The following MILR1 variants were observed in gnomAD, a reference collection of about 807,000 sequenced individuals.
MILR1 encodes mast cell immunoglobulin like receptor 1, also known as allergin-1.
A neutral mutation model predicts 18.5 loss-of-function variants in MILR1; 31 were observed. The ratio of observed to expected loss-of-function variants is 1.68; its 90% CI spans 1.26 to 2.26. MILR1 has a LOEUF of 2.26. MILR1 is among the 30% of genes most tolerant of loss of function. The probability of loss-of-function intolerance (pLI) is 0.00; values close to 1 mark genes in which losing one functional copy is unlikely to be tolerated. For missense variants in MILR1, 257 were observed against 157.4 expected, an observed-to-expected ratio of 1.63 and a Z score of -3.38; for synonymous variants, 85 against 56.2, an observed-to-expected ratio of 1.51 and a Z score of -2.30.
At chr17:64,475,240 G>A in the MILR1 span, among the ~76,000 whole-genome samples, 1 of 151,466 alleles carries the variant, frequency 6.6e-6, no homozygotes, top group South Asian at 2.1e-4. Context: ...GGCCAAAGAT[G>A]GGACAATTTG....
At chr17:64,495,193 AGGAACC>A in the MILR1 span, among the ~76,000 whole-genome samples, 4 of 150,688 alleles carry the variant, frequency 2.7e-5, no homozygotes, top group South Asian at 2.1e-4. Flanking sequence ...AAAAAAAAAA[AGGAACC>A]AGGATCTGGG....
chr17:64,450,347 G>A (rs1029286074), intron 2 of MILR1, among the ~76,000 whole-genome samples: 152 of 152,134 alleles, frequency 1.0e-3, no homozygotes, highest in African/African-American at 3.2e-3. Context: ...TAAACCATCC[G>A]TAAGTGATAG....
chr17:64,450,453 A>G (rs1186218767), intron 2 of MILR1, among the ~76,000 whole-genome samples: 1 of 152,130 alleles, frequency 6.6e-6, no homozygotes, highest in Admixed American at 6.6e-5. Context: ...GCCGTTATCA[A>G]CAGTCACTTT....
At chr17:64,489,573 C>A in the MILR1 span, among the ~76,000 whole-genome samples, 1 of 151,756 alleles carries the variant, frequency 6.6e-6, no homozygotes, top group African/African-American at 2.4e-5. Flanking sequence ...CCAGCCCGGG[C>A]AACAAAGCTA....
chr17:64,457,218 G>A (rs1360335448), intron 3 of MILR1, among the ~76,000 whole-genome samples, 182 bp from the exon 4 acceptor site: 6 of 152,164 alleles, frequency 3.9e-5, no homozygotes, highest in Non-Finnish European at 2.9e-5. Context: ...CACACTGCAC[G>A]GGGTTGGCCA....
chr17:64,490,759 G>T, the MILR1 span: 2 of 1,510,476 alleles, frequency 1.3e-6, no homozygotes, highest in Non-Finnish European at 1.8e-6. Flanking sequence ...TAGAGAATCT[G>T]GGTAAAAAAT....
At chr17:64,459,965 A>G (rs2037385716) in intron 4 of MILR1, among the ~76,000 whole-genome samples, 1 of 149,242 alleles carries the variant, frequency 6.7e-6, no homozygotes, top group Non-Finnish European at 1.5e-5. Context: ...ATGACTTTTT[A>G]AACTTTATTA....
At chr17:64,494,343 C>T in the MILR1 span, among the ~76,000 whole-genome samples, 2 of 152,110 alleles carry the variant, frequency 1.3e-5, no homozygotes, top group Non-Finnish European at 2.9e-5. Context: ...CAAATTATTC[C>T]ACTACTGAAG....
chr17:64,467,068 C>G (rs1458925543), intron 8 of MILR1, among the ~76,000 whole-genome samples: 1 of 143,306 alleles, frequency 7.0e-6, no homozygotes, highest in African/African-American at 2.6e-5. Context: ...TTTTCTTTCT[C>G]TCTCTCTCTC....
intron 4 of MILR1, among the ~76,000 whole-genome samples, chr17:64,458,014 C>T (rs1471959520): frequency 6.6e-6 from 1 of 152,198 alleles, no homozygotes; most frequent in Non-Finnish European, 1.5e-5. Flanking sequence ...TGTGGCAAAA[C>T]TTTCTGCCCT....
At chr17:64,480,652 T>C in the MILR1 span, among the ~76,000 whole-genome samples, 3 of 152,200 alleles carry the variant, frequency 2.0e-5, no homozygotes, top group Non-Finnish European at 4.4e-5. Flanking sequence ...ATAAGAATTT[T>C]TATTACCCTT....
the MILR1 span, chr17:64,477,655 C>G: frequency 1.7e-5 from 14 of 817,928 alleles, no homozygotes; most frequent in East Asian, 3.7e-4. Context: ...TTTCTTGTAG[C>G]TGAACATATT....
In MILR1 at chr17:64,452,656, T is replaced by C; in HGVS notation, c.157T>C (p.Ser53Pro). Residue 53 changes from serine (S) to proline (P), a missense_variant, in exon 3 of 10, where the codon TCT (serine) becomes CCT (proline). Transcript: ENST00000619286. ...GGTGGTTATGAAGGGTCAAAATGTA[T>C]CTATGTTTTGTTCCCATAAGAACAA... Reference protein sequence around the residue: ...TKVVMKGQNVSMFCSHKNKSL... With the variant: ...TKVVMKGQNVPMFCSHKNKSL... 2.2e-6 allele frequency: 1 copy of C among 460,842 alleles called. No homozygotes were observed. The highest frequency in any genetic ancestry group is 4.0e-6 in the Non-Finnish European group (1 of 251,644). The allele number at this position is 460,842 out of a possible 1,614,324, so 28.5% of individuals were successfully genotyped here. A position where few individuals can be genotyped will look rare whatever the true frequency, so the allele number is the denominator to read the frequency against.
At chr17:64,481,085 C>T in the MILR1 span, among the ~76,000 whole-genome samples, 3 of 152,208 alleles carry the variant, frequency 2.0e-5, no homozygotes, top group African/African-American at 7.2e-5. Flanking sequence ...GCACTGCTGA[C>T]CCAGGGTGTT....
chr17:64,468,507 TTG>T lies in MILR1; in HGVS notation c.*227_*228del. 1 of 553,520 alleles carries T rather than the reference TTG, an allele frequency of 1.8e-6. No individual in the cohort carries two copies. Among genetic ancestry groups the T allele is most frequent in the Non-Finnish European group, 2.7e-6 (1 of 368,470 alleles). The allele number at this position is 553,520 out of a possible 1,614,324, so 34.3% of individuals were successfully genotyped here. A position where few individuals can be genotyped will look rare whatever the true frequency, so the allele number is the denominator to read the frequency against. On this transcript the variant is annotated 3_prime_UTR_variant, in exon 10 of 10. Transcript: ENST00000619286. The stretch of plus-strand genomic sequence containing the variant: ...TTTCACTATGGTGGCCAGGCTGGTC[TTG>T]AACTCCTGACCTCAGATGATCTGCC...
At chr17:64,478,284 A>G in the MILR1 span, among the ~76,000 whole-genome samples, 1 of 137,216 alleles carries the variant, frequency 7.3e-6, no homozygotes, top group Non-Finnish European at 1.5e-5. Context: ...GAACCGCATA[A>G]TAACCTCAGC....
chr17:64,481,004 A>C, the MILR1 span, among the ~76,000 whole-genome samples: 1 of 152,248 alleles, frequency 6.6e-6, no homozygotes, highest in African/African-American at 2.4e-5. Flanking sequence ...ATAGGGAAGC[A>C]AAACAAAGCA....
At chr17:64,491,933 AAAAAAC>A in the MILR1 span, 1 of 220,650 alleles carries the variant, frequency 4.5e-6, no homozygotes, top group Non-Finnish European at 9.1e-6. Flanking sequence ...TGTGAAAAAA[AAAAAAC>A]AAAAAAAAAA....
At chr17:64,460,597 T>A (rs964033272) in intron 4 of MILR1, among the ~76,000 whole-genome samples, 4 of 152,152 alleles carry the variant, frequency 2.6e-5, no homozygotes, top group Non-Finnish European at 4.4e-5. Context: ...CCTCCCACCT[T>A]GATCTCCGAA....
Sources: allele counts gnomAD v4.1 joint callset (sites outside exome capture counted in the v4.1 genomes callset), GRCh38; gene constraint gnomAD v4.1.1; transcripts MANE v1.5; gene names NCBI Gene and HGNC (gene_info 2026-07-23, HGNC 2026-07-21).